The following GFM1 variants were observed in gnomAD, a reference collection of about 807,000 sequenced individuals.
GFM1 encodes the protein G elongation factor mitochondrial 1, also known as elongation factor G, mitochondrial.
Under a neutral mutation model 96.2 loss-of-function variants are expected in GFM1, and 62 were observed. That is an observed-to-expected ratio of 0.64 (90% CI 0.53 to 0.80). The LOEUF (loss-of-function observed/expected upper bound fraction) is 0.80, where lower values mean the gene tolerates loss of function less well. GFM1 is among the 30% of genes least tolerant of loss of function. The pLI is 0.00. For missense variants in GFM1, 852 were observed against 916.6 expected (o/e 0.93, Z 0.91); for synonymous variants, 282 against 312.9 (o/e 0.90, Z 1.04).
intron 13 of GFM1, chr3:158,669,362 T>C: frequency 6.9e-7 from 1 of 1,450,522 alleles, no homozygotes; most frequent in African/African-American, 1.4e-5. Flanking sequence ...ACTAACAATT[T>C]TAAGCACAGA....
intron 4 of GFM1, among the ~76,000 whole-genome samples, chr3:158,647,587 A>T (rs988579762): frequency 1.3e-5 from 2 of 152,240 alleles, no homozygotes; most frequent in Non-Finnish European, 2.9e-5. Flanking sequence ...ATGGATATGT[A>T]GGTGTAAAGT....
At position 158,653,319 on chromosome 3, in the gene GFM1, C is replaced by T. The variant is rs771890880; in HGVS notation, c.850C>T (p.Arg284Ter). The T allele has an allele frequency of 1.9e-5, 31 of 1,612,440 alleles. No homozygotes were observed. Among genetic ancestry groups the T allele is most frequent in the South Asian group, 4.4e-5 (4 of 90,864 alleles). Reference sequence around the variant, plus strand: ...TTGTTTTCTTTTGTAGCTAGCAATTCGAAGAGCTACTCTGAAAAGATCATT... The same window carrying T: ...TTGTTTTCTTTTGTAGCTAGCAATTTGAAGAGCTACTCTGAAAAGATCATT... Reference protein sequence around the residue: ...PSISDLKLAIRRATLKRSFTP... With the variant: ...PSISDLKLAI Residue 284 changes from arginine (R) to a stop codon, truncating the protein, a stop_gained, in exon 7 of 18, where the codon CGA (arginine) becomes TGA (stop). Transcript: ENST00000486715. LOFTEE classifies it high-confidence loss of function.
intron 13 of GFM1, among the ~76,000 whole-genome samples, chr3:158,677,908 A>C (rs1435979245): frequency 6.6e-6 from 1 of 152,228 alleles, no homozygotes; most frequent in Non-Finnish European, 1.5e-5. Flanking sequence ...TCAAATCTTC[A>C]AAAGACAGGC....
chr3:158,673,576 A>G (rs766272950), intron 13 of GFM1, among the ~76,000 whole-genome samples: 167 of 130,598 alleles, frequency 1.3e-3, no homozygotes, highest in Non-Finnish European at 2.0e-3. Flanking sequence ...CAATGGTGCT[A>G]TCTCGGCTCA....
intron 16 of GFM1, 193 bp downstream of exon 16, chr3:158,690,516 C>G (rs552659968): frequency 1.7e-6 from 1 of 587,568 alleles, no homozygotes; most frequent in African/African-American, 1.9e-5. Flanking sequence ...TTATCTTGAC[C>G]TTTTGTGAAT....
chr3:158,649,222 T>G, intron 5 of GFM1, 65 bp downstream of exon 5: 4 of 741,214 alleles, frequency 5.4e-6, no homozygotes, highest in South Asian at 2.9e-5. Flanking sequence ...AAGGAAAGGA[T>G]AAGTTCATCA....
At chr3:158,689,982 TTTCCATTTAGAAGAGTGACTGTTA>T (rs1447938788) in intron 15 of GFM1, among the ~76,000 whole-genome samples, 157 bp from the exon 16 acceptor site, 1 of 152,190 alleles carries the variant, frequency 6.6e-6, no homozygotes, top group Non-Finnish European at 1.5e-5. Context: ...AATGTTGGAA[TTTCCATTTAGAAGAGTGACTGTTA>T]TTACTACAGG....
intron 13 of GFM1, among the ~76,000 whole-genome samples, chr3:158,679,181 T>C (rs1560142432): frequency 6.6e-6 from 1 of 152,224 alleles, no homozygotes; most frequent in Admixed American, 6.5e-5. Context: ...AGCAATACAG[T>C]ATTTTTAAAT....
intron 14 of GFM1, among the ~76,000 whole-genome samples, chr3:158,683,326 C>T (rs759800837): frequency 5.9e-5 from 9 of 152,094 alleles, no homozygotes; most frequent in African/African-American, 1.9e-4. Flanking sequence ...GTGCTATCTG[C>T]GCAGCCATGT....
rs1176499990 is a variant in GFM1, at chr3:158,645,152, G to A, written c.81+437G>A. ...CTTCATGAATTGTTTTTGTTTGGAG[G>A]GAATTGGAAATCTTTGGGGGCTGTC... On this transcript the variant is annotated intron_variant, in intron 1 of 17. Coordinates refer to ENST00000486715, the MANE Select transcript of GFM1 (RefSeq NM_024996.7). 2.6e-5 allele frequency among the ~76,000 whole-genome samples: 4 copies of A among 152,074 alleles called. No homozygotes were observed. The South Asian group carries it at 8.3e-4, about 32-fold the overall frequency.
At chr3:158,672,237 A>T in intron 13 of GFM1, 1 of 1,338,756 alleles carries the variant, frequency 7.5e-7, no homozygotes, top group Non-Finnish European at 1.0e-6. Context: ...CCTAAAACAG[A>T]AGGTGGGTAG....
chr3:158,670,946 A>G, intron 13 of GFM1: 1 of 1,534,780 alleles, frequency 6.5e-7, no homozygotes, highest in Non-Finnish European at 8.8e-7. Flanking sequence ...GAAAAAAGAA[A>G]TTTAACTTAC....
intron 2 of GFM1, 74 bp from the exon 3 acceptor site, chr3:158,646,091 C>A: frequency 6.3e-7 from 1 of 1,579,754 alleles, no homozygotes. Context: ...CAACTGTTTC[C>A]ATTTCAGTTA....
chr3:158,645,684 T>TA lies in GFM1; in HGVS notation c.138dup (p.Arg47ThrfsTer10). 1 of 1,612,246 alleles carries TA rather than the reference T, an allele frequency of 6.2e-7. No homozygotes were observed. The highest frequency in any genetic ancestry group is 8.5e-7 in the Non-Finnish European group (1 of 1,178,298). ...TCAGGGGTGATTCCTAATGAAAAAA[T>TA]ACGAAATATTGGAATCTCAGCTCAC... On this transcript the variant is annotated frameshift_variant, in exon 2 of 18. Transcript: ENST00000486715. LOFTEE classifies it high-confidence loss of function.
At chr3:158,646,090 C>A (rs1439101412) in intron 2 of GFM1, 75 bp from the exon 3 acceptor site, 2 of 1,577,886 alleles carry the variant, frequency 1.3e-6, no homozygotes, top group South Asian at 1.1e-5. Flanking sequence ...GCAACTGTTT[C>A]CATTTCAGTT....
intron 17 of GFM1, 71 bp downstream of exon 17, chr3:158,691,263 G>A: frequency 6.2e-7 from 1 of 1,606,608 alleles, no homozygotes; most frequent in Non-Finnish European, 8.5e-7. Flanking sequence ...TCTTGACCTT[G>A]TATGACTTTT....
intron 9 of GFM1, among the ~76,000 whole-genome samples, chr3:158,659,577 G>A (rs1476285980): frequency 6.6e-6 from 1 of 152,148 alleles, no homozygotes; most frequent in Non-Finnish European, 1.5e-5. Context: ...AGATTTAAAA[G>A]CTTCAAGGGC....
At position 158,651,420 on chromosome 3, in the gene GFM1, C is replaced by G. The variant is rs534437342; in HGVS notation, c.690-676C>G. Among the ~76,000 whole-genome samples the G allele has an allele frequency of 1.4e-4, 21 of 152,166 alleles. No homozygotes were observed. The South Asian group carries it at 4.4e-3, about 32-fold the overall frequency. On this transcript the variant is annotated intron_variant, in intron 5 of 17. Coordinates refer to ENST00000486715, the MANE Select transcript of GFM1 (RefSeq NM_024996.7). ...CCTCTTCTGTTTACTAGTAGGACAG[C>G]CTTGGGCAAATTACTTTGCCTGTGT...
At chr3:158,670,578 A>T (rs1032015873) in intron 13 of GFM1, among the ~76,000 whole-genome samples, 1 of 152,236 alleles carries the variant, frequency 6.6e-6, no homozygotes, top group African/African-American at 2.4e-5. Context: ...AACTTTGCCC[A>T]TATGGTCAGT....
Sources: allele counts gnomAD v4.1 joint callset (sites outside exome capture counted in the v4.1 genomes callset), GRCh38; gene constraint gnomAD v4.1.1; transcripts MANE v1.5; gene names NCBI Gene and HGNC (gene_info 2026-07-23, HGNC 2026-07-21).